The following RXFP1 variants were observed in gnomAD, a reference collection of about 807,000 sequenced individuals.
The protein encoded by RXFP1 is relaxin family peptide receptor 1, also known as relaxin receptor 1.
Under a neutral mutation model 89.8 loss-of-function variants are expected in RXFP1, and 73 were observed. The observed-to-expected ratio is 0.81, with a 90% confidence interval of 0.67 to 0.99. The LOEUF is 0.99. Ranked by LOEUF, RXFP1 falls within the 50% of genes least tolerant of loss-of-function variation. The probability of loss-of-function intolerance (pLI) is 0.00; values close to 1 mark genes in which losing one functional copy is unlikely to be tolerated. For synonymous variants in RXFP1, 277 were observed against 305.5 expected, an observed-to-expected ratio of 0.91 and a Z score of 0.97; for missense variants, 793 against 895.5, an observed-to-expected ratio of 0.89 and a Z score of 1.46.
chr4:158,559,125 T>G (rs1206369621), intron 1 of RXFP1, among the ~76,000 whole-genome samples: 2 of 152,182 alleles, frequency 1.3e-5, no homozygotes, highest in Non-Finnish European at 2.9e-5. Context: ...TATCATATTT[T>G]TAGTTTGAAA....
intron 1 of RXFP1, among the ~76,000 whole-genome samples, chr4:158,566,457 G>C (rs987914771): frequency 6.6e-6 from 1 of 152,090 alleles, no homozygotes; most frequent in Non-Finnish European, 1.5e-5. Context: ...TCCACCTTCA[G>C]GGTTCAAGTG....
intron 1 of RXFP1, among the ~76,000 whole-genome samples, chr4:158,548,021 C>T (rs1335887682): frequency 6.6e-6 from 1 of 152,070 alleles, no homozygotes; most frequent in Non-Finnish European, 1.5e-5. Flanking sequence ...CTTTCTGTCT[C>T]GTTGATCTGT....
intron 1 of RXFP1, among the ~76,000 whole-genome samples, chr4:158,556,194 G>A (rs1404207332): frequency 1.4e-5 from 2 of 142,160 alleles, no homozygotes; most frequent in Non-Finnish European, 3.0e-5. Context: ...ACAAGGAGTT[G>A]ATATCCAAAA....
intron 9 of RXFP1, among the ~76,000 whole-genome samples, chr4:158,621,517 A>C (rs1277206729): frequency 1.3e-5 from 2 of 152,246 alleles, no homozygotes; most frequent in South Asian, 2.1e-4. Flanking sequence ...AAAGTTACAA[A>C]GATTGCCAAT....
intron 1 of RXFP1, among the ~76,000 whole-genome samples, chr4:158,544,894 G>T (rs1747845443): frequency 6.6e-6 from 1 of 152,162 alleles, no homozygotes; most frequent in Non-Finnish European, 1.5e-5. Context: ...TGTGAATAGT[G>T]CCGCAATAAA....
intron 13 of RXFP1, among the ~76,000 whole-genome samples, chr4:158,638,728 T>C (rs1769726084): frequency 6.6e-6 from 1 of 151,704 alleles, no homozygotes; most frequent in Non-Finnish European, 1.5e-5. Context: ...GGTGGGAACA[T>C]TGCTTGAGTT....
intron 1 of RXFP1, chr4:158,544,206 A>C (rs1018567851): frequency 1.0e-6 from 1 of 985,266 alleles, no homozygotes; most frequent in African/African-American, 1.7e-5. Context: ...TGAGTTTATA[A>C]AGCTGCCATC....
intron 1 of RXFP1, among the ~76,000 whole-genome samples, chr4:158,561,924 G>A (rs1167029607): frequency 6.6e-6 from 1 of 151,818 alleles, no homozygotes; most frequent in African/African-American, 2.4e-5. Context: ...CACTGCACCC[G>A]GCCTCAACCT....
chr4:158,544,862 G>A (rs1747834463), intron 1 of RXFP1, among the ~76,000 whole-genome samples: 1 of 152,180 alleles, frequency 6.6e-6, no homozygotes, highest in Non-Finnish European at 1.5e-5. Flanking sequence ...GGACATTTGG[G>A]TTGATTCCAA....
At chr4:158,646,625 G>GAAT in intron 15 of RXFP1, 166 bp from the exon 16 acceptor site, 1 of 1,420,348 alleles carries the variant, frequency 7.0e-7, no homozygotes, top group South Asian at 1.6e-5. Flanking sequence ...GAGAGTCTAT[G>GAAT]AATAGATCCT....
At position 158,619,087 on chromosome 4, in the gene RXFP1, TCACA is replaced by T. The variant is rs146359018; in HGVS notation, c.755+1898_755+1901del. Among the ~76,000 whole-genome samples the T allele has an allele frequency of 2.5e-4, 37 of 149,426 alleles. 1 individual carries two copies. In the South Asian group the frequency reaches 6.1e-3, roughly 25 times the overall value. Reference sequence around the variant, plus strand: ...AAAAGAATGGAAAAGTAAAATGTGATCACACACACACACACACACGCATACACAC... The same window carrying T: ...AAAAGAATGGAAAAGTAAAATGTGATCACACACACACACACGCATACACAC... On this transcript the variant is annotated intron_variant, in intron 9 of 17. Transcript: ENST00000307765.
intron 1 of RXFP1, among the ~76,000 whole-genome samples, chr4:158,540,993 A>G (rs1358256049): frequency 6.6e-6 from 1 of 152,212 alleles, no homozygotes; most frequent in Non-Finnish European, 1.5e-5. Context: ...ACAATATAAT[A>G]GCCACCATGG....
At chr4:158,570,205 A>G (rs909167655) in intron 1 of RXFP1, among the ~76,000 whole-genome samples, 7 of 152,174 alleles carry the variant, frequency 4.6e-5, no homozygotes, top group Non-Finnish European at 2.9e-5. Flanking sequence ...GAATTCCAAC[A>G]AGGCTGGAGC....
intron 1 of RXFP1, among the ~76,000 whole-genome samples, chr4:158,568,356 A>G (rs1754231629): frequency 6.6e-6 from 1 of 152,252 alleles, no homozygotes; most frequent in Admixed American, 6.5e-5. Flanking sequence ...AAAAGATAAT[A>G]TTCAGAAAAG....
At chr4:158,646,728 C>T (rs1771620459) in intron 15 of RXFP1, 63 bp from the exon 16 acceptor site, 2 of 1,484,168 alleles carry the variant, frequency 1.3e-6, no homozygotes, top group Admixed American at 2.3e-5. Context: ...AATATTATTG[C>T]TTATTGATGA....
chr4:158,639,633 G>C (rs1164865640), intron 14 of RXFP1, among the ~76,000 whole-genome samples: 3 of 152,136 alleles, frequency 2.0e-5, no homozygotes, highest in Non-Finnish European at 4.4e-5. Context: ...ACTTTGGGCG[G>C]CCGAGGTGGG....
At chr4:158,564,710 G>A (rs890822684) in intron 1 of RXFP1, among the ~76,000 whole-genome samples, 4 of 152,142 alleles carry the variant, frequency 2.6e-5, no homozygotes, top group African/African-American at 4.8e-5. Context: ...CACAACGAGA[G>A]CATGTTTACT....
intron 1 of RXFP1, chr4:158,543,978 T>C: frequency 1.0e-6 from 1 of 985,476 alleles, no homozygotes; most frequent in South Asian, 4.7e-5. Context: ...CATTCTGCCA[T>C]GTTTCGTCCA....
chr4:158,537,183 T>G (rs191824018), intron 1 of RXFP1, among the ~76,000 whole-genome samples: 53 of 152,256 alleles, frequency 3.5e-4, no homozygotes, highest in African/African-American at 1.9e-4. Context: ...TTTACCAATA[T>G]TTGATGACAA....
Sources: gnomAD v4.1 joint callset for allele counts (sites outside exome capture counted in the v4.1 genomes callset) on GRCh38, gnomAD v4.1.1 for gene constraint, MANE v1.5 for transcripts, NCBI Gene and HGNC (gene_info 2026-07-23, HGNC 2026-07-21) for gene names.